The following TXNDC9 variants were observed in gnomAD, a reference collection of about 807,000 sequenced individuals.
TXNDC9 encodes thioredoxin domain-containing protein 9.
A neutral mutation model predicts 23.0 loss-of-function variants in TXNDC9; 7 were observed. That is an observed-to-expected ratio of 0.30 (90% confidence interval 0.17 to 0.57). TXNDC9 has a LOEUF of 0.57. Ranked by LOEUF, TXNDC9 falls within the 20% of genes least tolerant of loss-of-function variation. The pLI is 0.90. For synonymous variants in TXNDC9, 72 were observed against 90.6 expected (o/e 0.79, Z 1.17); for missense variants, 198 against 252.6 (o/e 0.78, Z 1.47).
chr2:99,327,759 T>TAA, intron 2 of TXNDC9, 106 bp from the exon 3 acceptor site: 3 of 613,742 alleles, frequency 4.9e-6, no homozygotes, highest in Non-Finnish European at 8.1e-6. Flanking sequence ...TGAAGTCAAT[T>TAA]AAAAAAAAAA....
chr2:99,314,529 CT>C (rs55729391), downstream of TXNDC9, among the ~76,000 whole-genome samples: 61 of 97,420 alleles, frequency 6.3e-4, no homozygotes, highest in Admixed American at 1.5e-3. Flanking sequence ...AATACTACAC[CT>C]TTTTTTTTTT....
chr2:99,307,712 A>C, the TXNDC9 span, among the ~76,000 whole-genome samples: 1 of 131,482 alleles, frequency 7.6e-6, no homozygotes, highest in African/African-American at 2.9e-5. Context: ...TTTTAATGCA[A>C]GTATGTCATT....
the TXNDC9 span, among the ~76,000 whole-genome samples, chr2:99,308,798 G>A: frequency 5.3e-5 from 8 of 151,736 alleles, no homozygotes; most frequent in African/African-American, 1.2e-4. Flanking sequence ...TGCAAGCTCC[G>A]CCTCCCGGGT....
chr2:99,332,338 G>C (rs1056419905), intron 2 of TXNDC9, among the ~76,000 whole-genome samples: 2 of 152,150 alleles, frequency 1.3e-5, no homozygotes, highest in Non-Finnish European at 2.9e-5. Flanking sequence ...AGCTACTCGG[G>C]TGGCTGAGGC....
chr2:99,316,958 G>A (rs554633417), downstream of TXNDC9, among the ~76,000 whole-genome samples: 3 of 151,984 alleles, frequency 2.0e-5, no homozygotes, highest in Non-Finnish European at 4.4e-5. Context: ...GGGTTTCACG[G>A]TGTTAGCCAG....
chr2:99,312,496 C>CAAA, the TXNDC9 span, among the ~76,000 whole-genome samples: 2 of 61,310 alleles, frequency 3.3e-5, no homozygotes, highest in Non-Finnish European at 6.9e-5. Context: ...GACTCCGTCT[C>CAAA]AAAAAAAAAA....
At chr2:99,328,956 G>A (rs1053122384) in intron 2 of TXNDC9, among the ~76,000 whole-genome samples, 1 of 152,108 alleles carries the variant, frequency 6.6e-6, no homozygotes, top group African/African-American at 2.4e-5. Context: ...GCCACTGCCT[G>A]GGCAACAGAG....
At chr2:99,327,716 T>G in intron 2 of TXNDC9, 63 bp from the exon 3 acceptor site, 1 of 996,512 alleles carries the variant, frequency 1.0e-6, no homozygotes, top group Non-Finnish European at 1.5e-6. Flanking sequence ...CACTTGACAT[T>G]TTAAGTGTCC....
chr2:99,330,290 C>CAAAAAA (rs528602849), intron 2 of TXNDC9, among the ~76,000 whole-genome samples: 448 of 28,164 alleles, frequency 0.016, 130 homozygotes, highest in African/African-American at 0.022. Flanking sequence ...ACTCTTATCT[C>CAAAAAA]AAAAAAAAAA....
the TXNDC9 span, among the ~76,000 whole-genome samples, chr2:99,313,126 C>T: frequency 6.6e-6 from 1 of 152,112 alleles, no homozygotes; most frequent in South Asian, 2.1e-4. Flanking sequence ...GGCACCATTG[C>T]ACTCCAGCCT....
intron 2 of TXNDC9, among the ~76,000 whole-genome samples, chr2:99,329,959 C>A (rs1275288632): frequency 1.4e-5 from 2 of 139,472 alleles, no homozygotes; most frequent in Non-Finnish European, 3.2e-5. Context: ...AGAGCAAGAC[C>A]CTGTCTCAAA....
At chr2:99,335,114 C>A (rs1401977401) in intron 1 of TXNDC9, among the ~76,000 whole-genome samples, 4 of 152,164 alleles carry the variant, frequency 2.6e-5, no homozygotes, top group Non-Finnish European at 4.4e-5. Flanking sequence ...GTTATTACTG[C>A]AGAAATGATT....
At chr2:99,317,821 G>A (rs1168689841), downstream of TXNDC9, among the ~76,000 whole-genome samples, 18 of 151,986 alleles carry the variant, frequency 1.2e-4, no homozygotes. Context: ...AGTCGCCGCA[G>A]TTTAATCCAG....
At chr2:99,331,805 C>A (rs1470660021) in intron 2 of TXNDC9, among the ~76,000 whole-genome samples, 2 of 152,154 alleles carry the variant, frequency 1.3e-5, no homozygotes, top group East Asian at 1.9e-4. Flanking sequence ...TCTCGACTCA[C>A]GGCAACCTCC....
chr2:99,326,122 T>C (rs1238854105), intron 3 of TXNDC9, among the ~76,000 whole-genome samples: 1 of 152,172 alleles, frequency 6.6e-6, no homozygotes, highest in Non-Finnish European at 1.5e-5. Flanking sequence ...ACTTGAGGAA[T>C]GTGTGCCAAT....
the TXNDC9 span, among the ~76,000 whole-genome samples, chr2:99,309,687 TCTTTTTG>T: frequency 6.6e-6 from 1 of 152,072 alleles, no homozygotes; most frequent in Non-Finnish European, 1.5e-5. Flanking sequence ...ATTTCTTTTT[TCTTTTTG>T]CTTTTTTTTT....
At chr2:99,328,598 A>T (rs2094218175) in intron 2 of TXNDC9, among the ~76,000 whole-genome samples, 1 of 152,182 alleles carries the variant, frequency 6.6e-6, no homozygotes, top group Admixed American at 6.5e-5. Flanking sequence ...TCAGAATGTA[A>T]ATATCCACTT....
At chr2:99,312,168 C>T in the TXNDC9 span, among the ~76,000 whole-genome samples, 1 of 152,150 alleles carries the variant, frequency 6.6e-6, no homozygotes, top group Non-Finnish European at 1.5e-5. Context: ...GGTTCCCTCT[C>T]ACCTCTTCAA....
At chr2:99,331,890 T>C (rs1446113504) in intron 2 of TXNDC9, among the ~76,000 whole-genome samples, 1 of 152,078 alleles carries the variant, frequency 6.6e-6, no homozygotes, top group African/African-American at 2.4e-5. Context: ...CCACCACACC[T>C]GGCTAATTTT....
Sources: allele counts gnomAD v4.1 joint callset (sites outside exome capture counted in the v4.1 genomes callset), GRCh38; gene constraint gnomAD v4.1.1; transcripts MANE v1.5; gene names NCBI Gene and HGNC (gene_info 2026-07-23, HGNC 2026-07-21).